Variants in PLCL1 observed in about 807,000 individuals in gnomAD.
PLCL1 encodes the protein phospholipase C like 1 (inactive).
In PLCL1, 41 loss-of-function variants were observed where a neutral mutation model predicts 84.4. That is an observed-to-expected ratio of 0.49 (90% CI 0.38 to 0.63). PLCL1 has a LOEUF of 0.63. Ranked by LOEUF, PLCL1 falls within the 30% of genes least tolerant of loss-of-function variation. PLCL1 has a pLI of 0.00. For synonymous variants in PLCL1, 490 were observed against 488.3 expected (o/e 1.00, Z -0.05); for missense variants, 1,206 against 1,367.8 (o/e 0.88, Z 1.87).
At chr2:197,852,816 A>G (rs1338193792) in intron 1 of PLCL1, among the ~76,000 whole-genome samples, 1 of 152,178 alleles carries the variant, frequency 6.6e-6, no homozygotes, top group Non-Finnish European at 1.5e-5. Flanking sequence ...GGATATCTAT[A>G]TACATCTATA....
At chr2:198,082,115 A>T (rs958656984) in intron 1 of PLCL1, among the ~76,000 whole-genome samples, 3 of 152,202 alleles carry the variant, frequency 2.0e-5, no homozygotes, top group Non-Finnish European at 2.9e-5. Flanking sequence ...TCTTCCTTTG[A>T]AAAGCATAAC....
At chr2:198,027,735 C>T (rs896489594) in intron 1 of PLCL1, among the ~76,000 whole-genome samples, 1 of 152,124 alleles carries the variant, frequency 6.6e-6, no homozygotes, top group Non-Finnish European at 1.5e-5. Flanking sequence ...TGTTAATATC[C>T]TAGTTTTTGA....
chr2:197,936,308 A>G lies in PLCL1; in HGVS notation c.240+130969A>G, dbSNP rs1331239523. ...AGTGGTATTGCTGGATTATATGATA[A>G]TTCTATTTTTAATTTTTTGATAAAC... On this transcript the variant is annotated intron_variant, in intron 1 of 5. Coordinates refer to ENST00000428675, the MANE Select transcript of PLCL1 (RefSeq NM_006226.4). Among the ~76,000 whole-genome samples, 6 of 152,246 alleles carry G rather than the reference A, an allele frequency of 3.9e-5. No individual in the cohort carries two copies. In the South Asian group the frequency reaches 1.0e-3, roughly 26 times the overall value.
chr2:197,975,431 A>G (rs909224013), intron 1 of PLCL1, among the ~76,000 whole-genome samples: 1 of 152,108 alleles, frequency 6.6e-6, no homozygotes, highest in African/African-American at 2.4e-5. Context: ...GCCTTAGTTT[A>G]TTCTTCCAGT....
At chr2:197,973,057 T>C (rs1689902945) in intron 1 of PLCL1, among the ~76,000 whole-genome samples, 1 of 152,208 alleles carries the variant, frequency 6.6e-6, no homozygotes, top group Admixed American at 6.5e-5. Flanking sequence ...TCCTCAAGTC[T>C]TCTTGGAGCT....
chr2:197,966,845 A>ATTT (rs34706360), intron 1 of PLCL1, among the ~76,000 whole-genome samples: 35 of 100,256 alleles, frequency 3.5e-4, no homozygotes, highest in African/African-American at 7.9e-4. Flanking sequence ...ATCCATACTA[A>ATTT]TTTTTTTTTT....
chr2:198,021,713 A>AT, intron 1 of PLCL1, among the ~76,000 whole-genome samples: 2 of 152,326 alleles, frequency 1.3e-5, no homozygotes, highest in Admixed American at 1.3e-4. Context: ...AAATCCCTGA[A>AT]TAGACCAATA....
chr2:197,918,936 G>GTCTC (rs71395692), intron 1 of PLCL1, among the ~76,000 whole-genome samples: 914 of 83,166 alleles, frequency 0.011, 12 homozygotes, highest in East Asian at 0.075. Context: ...CGGAGACCCT[G>GTCTC]TCTCTCTCTC....
chr2:197,892,622 T>G (rs1028442597), intron 1 of PLCL1, among the ~76,000 whole-genome samples: 2 of 152,238 alleles, frequency 1.3e-5, no homozygotes, highest in Admixed American at 6.5e-5. Context: ...ATGTTTGTTT[T>G]GTTGTTCTTC....
chr2:198,112,274 T>G (rs1693640812), intron 5 of PLCL1, among the ~76,000 whole-genome samples: 1 of 151,856 alleles, frequency 6.6e-6, no homozygotes, highest in Admixed American at 6.6e-5. Context: ...GTTGAGTCCT[T>G]GGACAGGTAC....
chr2:198,118,277 G>A (rs1476973520), intron 5 of PLCL1, among the ~76,000 whole-genome samples: 2 of 151,736 alleles, frequency 1.3e-5, no homozygotes, highest in Non-Finnish European at 2.9e-5. Context: ...TAAATCATTC[G>A]GTCATCCTCT....
rs1694542663 is a variant in PLCL1 at position 198,147,176 on chromosome 2, A to G, written c.*214A>G. ...GTTTTAAATTCTGAGACATGTGTCA[A>G]CACCCCTGTGTGGATGCCTGTGGAA... On this transcript the variant is annotated 3_prime_UTR_variant, in exon 6 of 6. Coordinates refer to ENST00000428675, the MANE Select transcript of PLCL1 (RefSeq NM_006226.4). The G allele has an allele frequency of 7.2e-6, 3 of 418,762 alleles. No individual in the cohort carries two copies. The highest frequency in any genetic ancestry group is 1.3e-5 in the Non-Finnish European group (3 of 233,420). The allele number at this position is 418,762 out of a possible 1,614,324, so 25.9% of individuals were successfully genotyped here.
intron 3 of PLCL1, among the ~76,000 whole-genome samples, chr2:198,100,393 G>A (rs1245804372): frequency 1.3e-5 from 2 of 152,082 alleles, no homozygotes; most frequent in Non-Finnish European, 2.9e-5. Context: ...GGGGAAATCA[G>A]GAAACTAATA....
intron 1 of PLCL1, among the ~76,000 whole-genome samples, chr2:197,846,255 A>T (rs914856884): frequency 1.3e-5 from 2 of 152,140 alleles, no homozygotes; most frequent in Non-Finnish European, 2.9e-5. Flanking sequence ...TAAGTACAGG[A>T]AATAAAAGAT....
At chr2:197,983,447 G>T (rs569874163) in intron 1 of PLCL1, among the ~76,000 whole-genome samples, 1 of 151,822 alleles carries the variant, frequency 6.6e-6, no homozygotes, top group African/African-American at 2.4e-5. Flanking sequence ...TGCCCAGGTT[G>T]GTCTCAAACT....
chr2:198,090,829 G>A (rs528888976), intron 3 of PLCL1, among the ~76,000 whole-genome samples: 3 of 152,150 alleles, frequency 2.0e-5, no homozygotes, highest in African/African-American at 7.2e-5. Flanking sequence ...GGCCAGGGAG[G>A]TCCCTGAAGC....
chr2:197,844,766 A>C (rs1005100033), intron 1 of PLCL1, among the ~76,000 whole-genome samples: 1 of 152,122 alleles, frequency 6.6e-6, no homozygotes. Context: ...GAAAAAAACT[A>C]GTTTGTTGTA....
intron 1 of PLCL1, among the ~76,000 whole-genome samples, chr2:197,966,906 A>G (rs1689754980): frequency 7.3e-6 from 1 of 136,612 alleles, no homozygotes; most frequent in African/African-American, 2.8e-5. Context: ...GCTGGAGTGC[A>G]GTGGCACAAT....
chr2:197,985,855 C>A (rs918020835), intron 1 of PLCL1, among the ~76,000 whole-genome samples: 3 of 152,112 alleles, frequency 2.0e-5, no homozygotes, highest in African/African-American at 7.2e-5. Flanking sequence ...ATGAGAGGAT[C>A]CATTTTAAGT....
Sources: allele counts gnomAD v4.1 joint callset (sites outside exome capture counted in the v4.1 genomes callset), GRCh38; gene constraint gnomAD v4.1.1; transcripts MANE v1.5; gene names NCBI Gene and HGNC (gene_info 2026-07-23, HGNC 2026-07-21).